The following HS3ST3A1 variants were observed in gnomAD, a reference collection of about 807,000 sequenced individuals.
HS3ST3A1 encodes the protein heparan sulfate glucosamine 3-O-sulfotransferase 3A1.
HS3ST3A1 carries 19 observed loss-of-function variants against 25.7 expected under a neutral mutation model. The observed-to-expected ratio is 0.74, with a 90% CI of 0.52 to 1.08. The LOEUF is 1.08. Ranked by LOEUF, HS3ST3A1 falls within the 50% of genes least tolerant of loss-of-function variation. The pLI, the probability that HS3ST3A1 is intolerant of heterozygous loss-of-function variation, is 0.00. For missense variants in HS3ST3A1, 459 were observed against 594.3 expected (o/e 0.77, Z 2.37); for synonymous variants, 226 against 278.6 (o/e 0.81, Z 1.88).
At chr17:13,558,687 A>G (rs1208670111) in intron 1 of HS3ST3A1, among the ~76,000 whole-genome samples, 2 of 152,242 alleles carry the variant, frequency 1.3e-5, no homozygotes, top group Non-Finnish European at 2.9e-5. Context: ...CAAATCTGGC[A>G]TGTGAGAAGT....
intron 1 of HS3ST3A1, among the ~76,000 whole-genome samples, chr17:13,552,314 C>T (rs1223673383): frequency 1.3e-5 from 2 of 152,152 alleles, no homozygotes; most frequent in Admixed American, 1.3e-4. Context: ...AACTCCTGAC[C>T]TCGTGATCCA....
chr17:13,569,968 A>T (rs918756812), intron 1 of HS3ST3A1, among the ~76,000 whole-genome samples: 1 of 152,106 alleles, frequency 6.6e-6, no homozygotes, highest in Non-Finnish European at 1.5e-5. Context: ...TAGGCTGGAG[A>T]TTCTATTCTG....
chr17:13,502,224 C>T (rs894740090), intron 1 of HS3ST3A1, among the ~76,000 whole-genome samples: 1 of 152,084 alleles, frequency 6.6e-6, no homozygotes, highest in Non-Finnish European at 1.5e-5. Flanking sequence ...CTAAGTTGTC[C>T]TCTGTTTTCT....
chr17:13,598,677 C>A (rs1164180925), intron 1 of HS3ST3A1, among the ~76,000 whole-genome samples: 1 of 149,772 alleles, frequency 6.7e-6, no homozygotes, highest in African/African-American at 2.5e-5. Flanking sequence ...TTTTTTCTTT[C>A]TTTCTTTTTT....
intron 1 of HS3ST3A1, among the ~76,000 whole-genome samples, chr17:13,531,442 C>T (rs1033847593): frequency 1.3e-5 from 2 of 152,100 alleles, no homozygotes; most frequent in South Asian, 2.1e-4. Flanking sequence ...GTGAGAAAAA[C>T]GAAATAGGTT....
intron 1 of HS3ST3A1, among the ~76,000 whole-genome samples, chr17:13,502,671 T>G (rs900328645): frequency 1.3e-5 from 2 of 152,232 alleles, no homozygotes; most frequent in Non-Finnish European, 2.9e-5. Flanking sequence ...ATTTTATTTT[T>G]AACCAATGAT....
intron 1 of HS3ST3A1, among the ~76,000 whole-genome samples, chr17:13,547,943 CCAAA>C (rs1567620541): frequency 3.6e-5 from 3 of 83,858 alleles, no homozygotes; most frequent in Admixed American, 1.2e-4. Flanking sequence ...TTGGTGTGAG[CCAAA>C]AAAAAAAAAA....
chr17:13,526,851 C>T (rs565977105), intron 1 of HS3ST3A1, among the ~76,000 whole-genome samples: 1 of 151,948 alleles, frequency 6.6e-6, no homozygotes, highest in East Asian at 2.0e-4. Flanking sequence ...ACGAGTTTCT[C>T]CATGTTGGTC....
At chr17:13,591,553 G>A (rs759679350) in intron 1 of HS3ST3A1, among the ~76,000 whole-genome samples, 4 of 152,058 alleles carry the variant, frequency 2.6e-5, no homozygotes, top group African/African-American at 7.2e-5. Flanking sequence ...GGCGGTTTTA[G>A]TTATTCCATA....
intron 1 of HS3ST3A1, among the ~76,000 whole-genome samples, chr17:13,587,410 T>C (rs2142389232): frequency 6.6e-6 from 1 of 152,272 alleles, no homozygotes; most frequent in South Asian, 2.1e-4. Flanking sequence ...GCTGATATCG[T>C]GCCACTGCAC....
At chr17:13,534,547 C>CAAAAAAAAAAAAAAAAAAAAAAAAAAA (rs34383911) in intron 1 of HS3ST3A1, among the ~76,000 whole-genome samples, 1 of 32,816 alleles carries the variant, frequency 3.0e-5, no homozygotes, top group Non-Finnish European at 5.9e-5. Context: ...CTACAAAATC[C>CAAAAAAAAAAAAAAAAAAAAAAAAAAA]AAAAAAAAAA....
rs111304153 is a variant in HS3ST3A1, at chr17:13,504,562, A to G, written c.600-7744T>C. 5.9e-3 allele frequency among the ~76,000 whole-genome samples: 900 copies of G among 152,264 alleles called. 5 individuals are homozygous for G. The highest frequency in any genetic ancestry group is 9.3e-3 in the Non-Finnish European group (631 of 68,024). On this transcript the variant is annotated intron_variant, in intron 1 of 1. Coordinates refer to ENST00000284110, the MANE Select transcript of HS3ST3A1 (RefSeq NM_006042.3). Reference sequence around the variant, plus strand: ...TCATGACCCGGGTGCTGGCTACAGAAGCGTATCCACTTTGTGAAAATTTCT... The same window carrying G: ...TCATGACCCGGGTGCTGGCTACAGAGGCGTATCCACTTTGTGAAAATTTCT...
At chr17:13,551,066 CAAAAA>C (rs3080921) in intron 1 of HS3ST3A1, among the ~76,000 whole-genome samples, 26 of 123,924 alleles carry the variant, frequency 2.1e-4, no homozygotes, top group Admixed American at 3.3e-4. Flanking sequence ...GACTCTGTCT[CAAAAA>C]AAAAAAAAAA....
At chr17:13,542,648 T>G (rs1906968491) in intron 1 of HS3ST3A1, among the ~76,000 whole-genome samples, 2 of 151,974 alleles carry the variant, frequency 1.3e-5, no homozygotes, top group South Asian at 4.2e-4. Flanking sequence ...GCTACCATAT[T>G]TTGATATTTG....
intron 1 of HS3ST3A1, among the ~76,000 whole-genome samples, chr17:13,502,157 A>G (rs1162895018): frequency 6.6e-6 from 1 of 152,068 alleles, no homozygotes; most frequent in Non-Finnish European, 1.5e-5. Flanking sequence ...GGGTTGTTAG[A>G]GCTGCTGTCT....
At chr17:13,590,786 T>C (rs1224103507) in intron 1 of HS3ST3A1, among the ~76,000 whole-genome samples, 2 of 152,122 alleles carry the variant, frequency 1.3e-5, no homozygotes, top group Non-Finnish European at 2.9e-5. Context: ...TGTGCTCTCA[T>C]TGGGGGTATT....
At chr17:13,526,251 C>A (rs1179089189) in intron 1 of HS3ST3A1, among the ~76,000 whole-genome samples, 1 of 151,908 alleles carries the variant, frequency 6.6e-6, no homozygotes, top group Non-Finnish European at 1.5e-5. Context: ...CCTGTCCCAA[C>A]TTCCCAGTTG....
intron 1 of HS3ST3A1, among the ~76,000 whole-genome samples, chr17:13,567,298 T>C (rs529878658): frequency 6.6e-6 from 1 of 152,186 alleles, no homozygotes; most frequent in Non-Finnish European, 1.5e-5. Context: ...AAAAAAGATA[T>C]CCATCTAAAT....
chr17:13,567,435 T>C (rs535119125), intron 1 of HS3ST3A1, among the ~76,000 whole-genome samples: 2 of 152,348 alleles, frequency 1.3e-5, no homozygotes, highest in East Asian at 3.9e-4. Flanking sequence ...ATTTTGACTT[T>C]CAAGTCTCAT....
Sources: gnomAD v4.1 joint callset for allele counts (sites outside exome capture counted in the v4.1 genomes callset) on GRCh38, gnomAD v4.1.1 for gene constraint, MANE v1.5 for transcripts, NCBI Gene and HGNC (gene_info 2026-07-23, HGNC 2026-07-21) for gene names.